The following TJP2 variants were observed in gnomAD, a reference collection of about 807,000 sequenced individuals.
TJP2 encodes the protein tight junction protein 2, also known as Friedreich ataxia region gene X104 (tight junction protein ZO-2).
TJP2 carries 91 observed loss-of-function variants against 133.1 expected under a neutral mutation model. The ratio of observed to expected loss-of-function variants is 0.68; its 90% confidence interval spans 0.58 to 0.81. The LOEUF (loss-of-function observed/expected upper bound fraction) is 0.81, where lower values mean the gene tolerates loss of function less well. Among genes scored for constraint, TJP2 ranks in the 40% least tolerant of loss-of-function variants. The probability of loss-of-function intolerance (pLI) is 0.00; values close to 1 mark genes in which losing one functional copy is unlikely to be tolerated. For synonymous variants in TJP2, 592 were observed against 583.4 expected, an observed-to-expected ratio of 1.01 and a Z score of -0.21; for missense variants, 1,541 against 1,565.6, an observed-to-expected ratio of 0.98 and a Z score of 0.26.
chr9:69,207,689 C>G (rs1199511631), intron 1 of TJP2, among the ~76,000 whole-genome samples: 1 of 152,170 alleles, frequency 6.6e-6, no homozygotes, highest in African/African-American at 2.4e-5. Context: ...TGCTGTCATT[C>G]AGAGAGAGGT....
intron 1 of TJP2, among the ~76,000 whole-genome samples, chr9:69,206,873 G>A (rs796327537): frequency 6.6e-5 from 10 of 152,152 alleles, no homozygotes; most frequent in African/African-American, 2.2e-4. Context: ...CATCGCGCCC[G>A]GCCTCATCTC....
At chr9:69,206,640 C>T (rs2993822) in intron 1 of TJP2, among the ~76,000 whole-genome samples, 12,788 of 151,840 alleles carry the variant, frequency 0.084, 691 homozygotes, top group Non-Finnish European at 0.12. Context: ...TGCAGTGGCG[C>T]GATTTCGGCT....
intron 5 of TJP2, 114 bp downstream of exon 5, chr9:69,221,610 G>T (rs1828868807): frequency 5.7e-6 from 8 of 1,408,794 alleles, no homozygotes; most frequent in Non-Finnish European, 1.9e-6. Flanking sequence ...CTGGAGGGAA[G>T]TGGCGTGATC....
At chr9:69,209,910 G>A (rs1035752113) in intron 1 of TJP2, among the ~76,000 whole-genome samples, 4 of 152,130 alleles carry the variant, frequency 2.6e-5, no homozygotes, top group African/African-American at 9.7e-5. Flanking sequence ...GTCAGACCAT[G>A]AGCACCTGAG....
chr9:69,221,357 C>T lies in TJP2; in HGVS notation c.813C>T (p.Arg271=), dbSNP rs2133275158. Reference sequence around the variant, plus strand: ...GGGCCTACAGCCCGGAGTACAGGCGCGGGGCCCGCCACGATGCCCGCTCTC... The same window carrying T: ...GGGCCTACAGCCCGGAGTACAGGCGTGGGGCCCGCCACGATGCCCGCTCTC... ...YERAYSPEYR[R]GARHDARSRG... The change falls in exon 5 of 23, where the codon CGC becomes CGT. Residue 271 remains arginine (R), a synonymous_variant. Transcript: ENST00000377245. 1.9e-6 allele frequency: 3 copies of T among 1,580,636 alleles called. No homozygotes were observed. The highest frequency in any genetic ancestry group is 2.6e-6 in the Non-Finnish European group (3 of 1,163,304).
Position 69,237,785 on chromosome 9 carries a change from G to T in TJP2, c.2180-93G>T, listed in dbSNP as rs1046852077. ...GAGAAACCACAGTTTCTTTCGTTTA[G>T]TTATGTTATCAAAAGCCCATACAAT... is the stretch of plus-strand genomic sequence containing the variant. On this transcript the variant is annotated intron_variant, in intron 14 of 22. Transcript: ENST00000377245. 3 of 907,344 alleles carry T rather than the reference G, an allele frequency of 3.3e-6. No individual in the cohort carries two copies. The African/African-American group carries it at 4.9e-5, about 15-fold the overall frequency. The allele number at this position is 907,344 out of a possible 1,614,324, so 56.2% of individuals were successfully genotyped here. A position where few individuals can be genotyped will look rare whatever the true frequency, so the allele number is the denominator to read the frequency against.
upstream of TJP2, among the ~76,000 whole-genome samples, chr9:69,171,355 C>T (rs1036896032): frequency 3.9e-5 from 6 of 152,086 alleles, no homozygotes; most frequent in Admixed American, 6.6e-5. Context: ...CATTTTTGGC[C>T]GGTCTTGTCA....
chr9:69,238,356 A>G (rs1444357719), intron 15 of TJP2, among the ~76,000 whole-genome samples: 1 of 152,094 alleles, frequency 6.6e-6, no homozygotes, highest in Non-Finnish European at 1.5e-5. Flanking sequence ...TATGTGCTTC[A>G]TAGCTTTTTT....
In TJP2 at chr9:69,248,185, G is replaced by C; in HGVS notation, c.2841G>C (p.Ser947=). The C allele has an allele frequency of 6.2e-7, 1 of 1,612,214 alleles. No homozygotes were observed. The highest frequency in any genetic ancestry group is 8.5e-7 in the Non-Finnish European group (1 of 1,179,090). ...AGCCAGCCGAGGAGCCGCTGGTGTC[G>C]TCCATCACCCGCTCCTCGGAGCCGG... ...LDEPAEEPLV[S]SITRSSEPVQ... is the part of the protein sequence containing the mutation. Residue 947 remains serine (S), a synonymous_variant, in exon 19 of 23, where the codon TCG becomes TCC. Transcript: ENST00000377245.
intron 16 of TJP2, among the ~76,000 whole-genome samples, chr9:69,239,317 A>T (rs2486457): frequency 0.69 from 103,914 of 151,308 alleles, 35,680 homozygotes; most frequent in Admixed American, 0.74. Flanking sequence ...ATCTCAAAAA[A>T]ATATATATAT....
intron 1 of TJP2, among the ~76,000 whole-genome samples, chr9:69,137,350 G>T (rs1212668706): frequency 5.1e-5 from 6 of 117,920 alleles, no homozygotes; most frequent in Admixed American, 2.1e-4. Flanking sequence ...TTGAGACAGG[G>T]TTTTGCTTTG....
chr9:69,136,753 G>C (rs780522025), intron 1 of TJP2, among the ~76,000 whole-genome samples: 1 of 152,084 alleles, frequency 6.6e-6, no homozygotes, highest in Non-Finnish European at 1.5e-5. Context: ...GGAGGACAGC[G>C]GCCCTTTGGT....
chr9:69,174,054 T>G, upstream of TJP2: 4 of 1,067,284 alleles, frequency 3.7e-6, no homozygotes, highest in Non-Finnish European at 4.5e-6. Flanking sequence ...GAGTCGCGCG[T>G]GACGCGGTTC....
At chr9:69,240,902 AT>A (rs61354183) in intron 17 of TJP2, among the ~76,000 whole-genome samples, 16,713 of 151,996 alleles carry the variant, frequency 0.11, 970 homozygotes, top group Middle Eastern at 0.15. Flanking sequence ...TAATATTGTG[AT>A]TTTTTTAAAA....
At chr9:69,248,796 C>G (rs1316254236) in intron 19 of TJP2, 5 of 994,412 alleles carry the variant, frequency 5.0e-6, no homozygotes, top group African/African-American at 1.7e-5. Flanking sequence ...CATTGACAGG[C>G]ACTGTAAAGT....
intron 1 of TJP2, among the ~76,000 whole-genome samples, chr9:69,211,958 T>TA (rs1477877962): frequency 6.6e-6 from 1 of 152,218 alleles, no homozygotes; most frequent in Non-Finnish European, 1.5e-5. Context: ...TTTAAAATGA[T>TA]ACCACCAGTT....
Position 69,252,874 on chromosome 9 carries a change from A to T in TJP2, c.3381A>T (p.Pro1127=), listed in dbSNP as rs1198626530. 1 of 1,614,132 alleles carries T rather than the reference A, an allele frequency of 6.2e-7. No individual in the cohort carries two copies. The highest frequency in any genetic ancestry group is 8.5e-7 in the Non-Finnish European group (1 of 1,180,052). Residue 1127 remains proline, a synonymous_variant, in exon 22 of 23, where the codon CCA becomes CCT. Transcript: ENST00000377245. ...IYAVPIKTHK[P]DPGTPQHTSS... ...CAGTTCCAATCAAAACGCACAAGCCAGACCCTGGCACGCCCCAGCACACGA... is the reference window on the plus strand; with the variant it reads ...CAGTTCCAATCAAAACGCACAAGCCTGACCCTGGCACGCCCCAGCACACGA...
At position 69,130,849 on chromosome 9, in the gene TJP2, A is replaced by C. The variant is rs28602341; in HGVS notation, c.-131+9124A>C. 3.7e-3 allele frequency among the ~76,000 whole-genome samples: 558 copies of C among 152,260 alleles called. 3 individuals carry two copies. The highest frequency in any genetic ancestry group is 0.013 in the African/African-American group (536 of 41,550). ...AGACCTGGGTGAGTGAAGACCCACA[A>C]ACTCCTATGTAAAGGTTCAGGAGAG... On this transcript the variant is annotated intron_variant, in intron 1 of 5. Coordinates refer to the TJP2 transcript ENST00000423935.
exon 2 of TJP2, chr9:69,151,677 C>A (rs11145465): frequency 0.2 from 251,051 of 1,231,738 alleles, 26,683 homozygotes; most frequent in Non-Finnish European, 0.21. Context: ...TTACTGTCAT[C>A]TCCCTGTGAG....
Sources: gnomAD v4.1 joint callset for allele counts (sites outside exome capture counted in the v4.1 genomes callset) on GRCh38, gnomAD v4.1.1 for gene constraint, MANE v1.5 for transcripts, NCBI Gene and HGNC (gene_info 2026-07-23, HGNC 2026-07-21) for gene names.